Variants in RNF139 observed in about 807,000 individuals in gnomAD.
RNF139 encodes the protein ring finger protein 139.
Under a neutral mutation model 49.5 loss-of-function variants are expected in RNF139, and 15 were observed. That is an observed-to-expected ratio of 0.30 (90% confidence interval 0.20 to 0.47). The LOEUF (loss-of-function observed/expected upper bound fraction) is 0.47. RNF139 is among the 20% of genes least tolerant of loss of function. The pLI, the probability that RNF139 is intolerant of heterozygous loss-of-function variation, is 1.00. For synonymous variants in RNF139, 325 were observed against 300.9 expected, an observed-to-expected ratio of 1.08 and a Z score of -0.83; for missense variants, 619 against 806.3, an observed-to-expected ratio of 0.77 and a Z score of 2.81.
intron 1 of RNF139, among the ~76,000 whole-genome samples, chr8:124,485,533 C>A (rs1208739070): frequency 6.6e-6 from 1 of 152,102 alleles, no homozygotes; most frequent in Non-Finnish European, 1.5e-5. Flanking sequence ...ACAAATTCAT[C>A]TTGAAAATAA....
chr8:124,487,621 G>T lies in RNF139; in HGVS notation c.1972G>T (p.Glu658Ter), dbSNP rs749159283. Residue 658 changes from glutamate (E) to a stop codon, truncating the protein, a stop_gained, in exon 2 of 2, where the codon GAA becomes TAA. Coordinates refer to ENST00000303545, the MANE Select transcript of RNF139 (RefSeq NM_007218.4). LOFTEE classifies it high-confidence loss of function. ...TCAGCACACAGGCGCAGCAGCTGAA[G>T]AATTTAATGATGATACTGACTGATG... ...VIQHTGAAAE[E>*]FNDDTD 3 of 1,604,860 alleles carry T rather than the reference G, an allele frequency of 1.9e-6. No homozygotes were observed. The highest frequency in any genetic ancestry group is 2.7e-5 in the African/African-American group (2 of 74,548).
chr8:124,479,840 G>T lies in RNF139; in HGVS notation c.181+4550G>T, dbSNP rs138894995. Among the ~76,000 whole-genome samples, 42 of 152,226 alleles carry T rather than the reference G, an allele frequency of 2.8e-4. 1 individual carries two copies. In the East Asian group the frequency reaches 7.9e-3, roughly 29 times the overall value. On this transcript the variant is annotated intron_variant, in intron 1 of 1. Coordinates refer to ENST00000303545, the MANE Select transcript of RNF139 (RefSeq NM_007218.4). ...ATTGAAGTACATTGAGGTAAATATG[G>T]ACTGTTGAATTAATGATCATTTTGT...
At position 124,484,816 on chromosome 8, in the gene RNF139, T is replaced by G. The variant is rs193029689; in HGVS notation, c.182-1015T>G. ...TTTTCTGAGTGTTACTTTTGTAATG[T>G]GAAGAACAATAAAAAGAGTTGACTA... is the stretch of plus-strand genomic sequence containing the variant. On this transcript the variant is annotated intron_variant, in intron 1 of 1. Coordinates refer to ENST00000303545, the MANE Select transcript of RNF139 (RefSeq NM_007218.4). Among the ~76,000 whole-genome samples the G allele has an allele frequency of 6.7e-4, 102 of 152,244 alleles. 1 individual carries two copies. Among genetic ancestry groups the G allele is most frequent in the Non-Finnish European group, 5.9e-5 (4 of 68,016 alleles).
intron 1 of RNF139, among the ~76,000 whole-genome samples, chr8:124,475,909 C>T (rs924093504): frequency 6.6e-6 from 1 of 152,192 alleles, no homozygotes; most frequent in South Asian, 2.1e-4. Context: ...TTGAAAGTGA[C>T]TGTAAAAAGT....
rs778286288 is a variant in RNF139, at chr8:124,486,094, T to G, written c.445T>G (p.Ser149Ala). 6.2e-7 allele frequency: 1 copy of G among 1,614,226 alleles called. No individual in the cohort carries two copies. The highest frequency in any genetic ancestry group is 1.1e-5 in the South Asian group (1 of 91,086). Residue 149 changes from serine to alanine, a missense_variant, in exon 2 of 2, where the codon TCC becomes GCC. Physicochemically the swap from Ser to Ala is moderately conservative, Grantham distance 99. This residue lies in a region of RNF139 where 530 missense variants were observed against 728.9 expected (regional missense o/e 0.73). Coordinates refer to ENST00000303545, the MANE Select transcript of RNF139 (RefSeq NM_007218.4). ...ATACGTTACACTACTCCAGATTCAT[T>G]CCATCTATTCACAATTAATTATTTT... Reference protein sequence around the residue: ...IGYVTLLQIHSIYSQLIILDL... With the variant: ...IGYVTLLQIHAIYSQLIILDL...
At chr8:124,475,316 C>T (rs1816295631) in intron 1 of RNF139, 26 bp downstream of exon 1, 1 of 1,590,294 alleles carries the variant, frequency 6.3e-7, no homozygotes, top group East Asian at 2.4e-5. Context: ...ACCGTACGTC[C>T]CGGGACGGCT....
At chr8:124,483,128 A>ATAATATATAATTTAATATATATCTTT (rs1586524826) in intron 1 of RNF139, among the ~76,000 whole-genome samples, 1 of 103,544 alleles carries the variant, frequency 9.7e-6, no homozygotes, top group Non-Finnish European at 1.9e-5. Flanking sequence ...ATATATTTAA[A>ATAATATATAATTTAATATATATCTTT]AGAGCCTGTT....
At position 124,488,462 on chromosome 8, in the gene RNF139, T is replaced by C. The variant is rs1215482446; in HGVS notation, c.*818T>C. The C allele has an allele frequency of 2.1e-6, 1 of 485,084 alleles. No individual in the cohort carries two copies. Among genetic ancestry groups the C allele is most frequent in the African/African-American group, 2.0e-5 (1 of 48,990 alleles). 30.0% of individuals were successfully genotyped at this position (485,084 alleles called of 1,614,324 possible). ...GATTTTACGAGAAAAAGAAGGGGAA[T>C]GGTGGGGAATGGTGTGTACCGATAT... is the stretch of plus-strand genomic sequence containing the variant. On this transcript the variant is annotated 3_prime_UTR_variant, in exon 2 of 2. Coordinates refer to ENST00000303545, the MANE Select transcript of RNF139 (RefSeq NM_007218.4).
Position 124,486,834 on chromosome 8 carries a change from C to T in RNF139, c.1185C>T (p.Val395=). The change falls in exon 2 of 2, where the codon GTC becomes GTT. Residue 395 remains valine, a synonymous_variant. Transcript: ENST00000303545. ...SFRRHFPVLF[V]SACLFILPVL... is the part of the protein sequence containing the mutation. The stretch of plus-strand genomic sequence containing the variant: ...GTAGACATTTTCCTGTGCTGTTTGT[C>T]TCTGCTTGCCTGTTTATTCTTCCTG... 6.2e-7 allele frequency: 1 copy of T among 1,613,778 alleles called. No individual in the cohort carries two copies. The highest frequency in any genetic ancestry group is 1.7e-5 in the Admixed American group (1 of 59,990).
chr8:124,483,800 CAT>C (rs1272582690), intron 1 of RNF139, among the ~76,000 whole-genome samples: 3 of 152,060 alleles, frequency 2.0e-5, no homozygotes, highest in Non-Finnish European at 4.4e-5. Context: ...TTGTCTGAAA[CAT>C]AGATTTTATT....
At chr8:124,480,139 TA>T (rs11354778) in intron 1 of RNF139, among the ~76,000 whole-genome samples, 13,125 of 144,436 alleles carry the variant, frequency 0.091, 632 homozygotes, top group East Asian at 0.16. Context: ...CCCTGTCTCT[TA>T]AAAAAAAAAA....
At position 124,488,358 on chromosome 8, in the gene RNF139, A is replaced by AAGAT. The variant is rs1816588409; in HGVS notation, c.*716_*719dup. 3.4e-6 allele frequency: 1 copy of AAGAT among 291,926 alleles called. No individual in the cohort carries two copies. The highest frequency in any genetic ancestry group is 7.0e-5 in the East Asian group (1 of 14,272). The allele number at this position is 291,926 out of a possible 1,614,324, so 18.1% of individuals were successfully genotyped here. The stretch of plus-strand genomic sequence containing the variant: ...ATAAAATTGTCCTTTCATTCTTTTG[A>AAGAT]AGATATTACAAAACAAAAATAGTTT... On this transcript the variant is annotated 3_prime_UTR_variant, in exon 2 of 2. Transcript: ENST00000303545.
At position 124,475,021 on chromosome 8, in the gene RNF139, C is replaced by A; in HGVS notation, c.-89C>A. ...GGAAGGAGGGCAGGGGCGGAGTTGC[C>A]CGCCTTAGCCCCCGCCCCCGGCCGC... On this transcript the variant is annotated 5_prime_UTR_variant, in exon 1 of 2. Coordinates refer to ENST00000303545, the MANE Select transcript of RNF139 (RefSeq NM_007218.4). 1 of 878,558 alleles carries A rather than the reference C, an allele frequency of 1.1e-6. No individual in the cohort carries two copies. The highest frequency in any genetic ancestry group is 5.3e-5 in the South Asian group (1 of 18,948). The allele number at this position is 878,558 out of a possible 1,614,324, so 54.4% of individuals were successfully genotyped here. A position where few individuals can be genotyped will look rare whatever the true frequency, so the allele number is the denominator to read the frequency against.
At chr8:124,482,303 T>C (rs564096285) in intron 1 of RNF139, among the ~76,000 whole-genome samples, 3 of 152,254 alleles carry the variant, frequency 2.0e-5, no homozygotes, top group Non-Finnish European at 4.4e-5. Context: ...AAAAAAGTTA[T>C]TAGAATTTTA....
chr8:124,486,486 T>C lies in RNF139; in HGVS notation c.837T>C (p.Asn279=), dbSNP rs780250354. 1 of 1,614,054 alleles carries C rather than the reference T, an allele frequency of 6.2e-7. No individual in the cohort carries two copies. The highest frequency in any genetic ancestry group is 8.5e-7 in the Non-Finnish European group (1 of 1,179,982). ...SWDDFWDLIC[N]LIISGCDSTL... ...ATGATTTTTGGGACCTCATTTGCAA[T>C]CTTATAATTAGTGGGTGCGATTCTA... The change falls in exon 2 of 2, where the codon AAT becomes AAC. Residue 279 remains asparagine (N), a synonymous_variant. Transcript: ENST00000303545.
At chr8:124,475,412 C>G in intron 1 of RNF139, 122 bp downstream of exon 1, 1 of 1,010,540 alleles carries the variant, frequency 9.9e-7, no homozygotes, top group Non-Finnish European at 1.5e-6. Context: ...ACAGTTTCAT[C>G]CCTCAAAGGG....
Position 124,487,324 on chromosome 8 carries a change from C to T in RNF139, c.1675C>T (p.Arg559Cys), listed in dbSNP as rs1378066473. The change falls in exon 2 of 2, where the codon CGT (arginine) becomes TGT (cysteine). Residue 559 changes from arginine to cysteine, a missense_variant. Arg to Cys is a radical substitution (Grantham distance 180, BLOSUM62 -3). This residue lies in a region of RNF139 where 530 missense variants were observed against 728.9 expected (regional missense o/e 0.73). Transcript: ENST00000303545. The stretch of plus-strand genomic sequence containing the variant: ...CTATCATGAGTTTACAACATCTGCT[C>T]GTATTACACCGTGTAATCATTATTT... ...ICYHEFTTSA[R>C]ITPCNHYFHA... 3.5e-5 allele frequency: 57 copies of T among 1,613,804 alleles called. No homozygotes were observed. Among genetic ancestry groups the T allele is most frequent in the Admixed American group, 5.0e-5 (3 of 59,990 alleles).
chr8:124,485,789 A>T, intron 1 of RNF139, 42 bp from the exon 2 acceptor site: 1 of 1,479,806 alleles, frequency 6.8e-7, no homozygotes, highest in Non-Finnish European at 9.2e-7. Flanking sequence ...AAACATTCTT[A>T]CAAATACTTC....
intron 1 of RNF139, among the ~76,000 whole-genome samples, chr8:124,476,431 G>T (rs1392419700): frequency 6.6e-6 from 1 of 152,174 alleles, no homozygotes; most frequent in Non-Finnish European, 1.5e-5. Context: ...TTTGCTCTTG[G>T]TAGGCTGCCG....
Sources: gnomAD v4.1 joint callset for allele counts (sites outside exome capture counted in the v4.1 genomes callset) on GRCh38, gnomAD v4.1.1 for gene constraint, gnomAD v4.1.1 regional missense constraint, MANE v1.5 for transcripts, NCBI Gene and HGNC (gene_info 2026-07-23, HGNC 2026-07-21) for gene names.